The following LRMDA variants were observed in gnomAD, a reference collection of about 807,000 sequenced individuals.
The protein encoded by LRMDA is leucine rich melanocyte differentiation associated.
LRMDA carries 18 observed loss-of-function variants against 29.8 expected under a neutral mutation model. That is an observed-to-expected ratio of 0.60 (90% CI 0.42 to 0.90). The LOEUF (loss-of-function observed/expected upper bound fraction) is 0.90. Ranked by LOEUF, LRMDA falls within the 40% of genes least tolerant of loss-of-function variation. LRMDA has a pLI of 0.00. For synonymous variants in LRMDA, 125 were observed against 109.4 expected (o/e 1.14, Z -0.89); for missense variants, 273 against 273.9 (o/e 1.00, Z 0.02).
intron 5 of LRMDA, among the ~76,000 whole-genome samples, chr10:76,232,244 G>A (rs1393201947): frequency 6.6e-6 from 1 of 152,106 alleles, no homozygotes; most frequent in Non-Finnish European, 1.5e-5. Context: ...ACTGAGTGTT[G>A]TGCTATTTTT....
chr10:75,435,560 T>C (rs1157458512), intron 1 of LRMDA, among the ~76,000 whole-genome samples: 6 of 152,230 alleles, frequency 3.9e-5, no homozygotes, highest in Non-Finnish European at 8.8e-5. Flanking sequence ...TTGGTTCTCA[T>C]GCTAAACTTT....
intron 6 of LRMDA, among the ~76,000 whole-genome samples, chr10:76,469,352 A>T (rs1266366278): frequency 6.6e-6 from 1 of 152,120 alleles, no homozygotes; most frequent in Non-Finnish European, 1.5e-5. Context: ...GTCAGAGACT[A>T]CTGTTCTCTG....
chr10:75,940,771 T>G (rs948144203), intron 2 of LRMDA, among the ~76,000 whole-genome samples: 11 of 151,308 alleles, frequency 7.3e-5, no homozygotes, highest in Admixed American at 5.3e-4. Context: ...ATTTATGGGG[T>G]GTGTGTGTGT....
chr10:75,552,657 C>CT (rs1397153385), intron 2 of LRMDA: 255 of 353,970 alleles, frequency 7.2e-4, no homozygotes, highest in Middle Eastern at 1.7e-3. Flanking sequence ...TCTCTTCAAA[C>CT]TTTTTTTTTC....
At chr10:75,986,021 G>A (rs942389853) in intron 2 of LRMDA, among the ~76,000 whole-genome samples, 3 of 152,210 alleles carry the variant, frequency 2.0e-5, no homozygotes, top group Non-Finnish European at 4.4e-5. Context: ...TAAATTCAGA[G>A]CATCCCTTTT....
chr10:75,971,912 G>A (rs770818855), intron 2 of LRMDA, among the ~76,000 whole-genome samples: 9 of 152,166 alleles, frequency 5.9e-5, no homozygotes, highest in Non-Finnish European at 1.3e-4. Flanking sequence ...GCTGGATGTC[G>A]TCAGCCTGTG....
chr10:76,127,705 C>T (rs1325861620), intron 5 of LRMDA, among the ~76,000 whole-genome samples: 1 of 151,702 alleles, frequency 6.6e-6, no homozygotes, highest in East Asian at 1.9e-4. Context: ...TCATAAAATT[C>T]TAGAAGAAGT....
At chr10:76,164,261 C>T (rs1850696216) in intron 5 of LRMDA, among the ~76,000 whole-genome samples, 1 of 152,014 alleles carries the variant, frequency 6.6e-6, no homozygotes, top group Non-Finnish European at 1.5e-5. Flanking sequence ...TTGAAATGTC[C>T]ACTGATGATT....
chr10:75,939,538 A>G (rs988545310), intron 2 of LRMDA, among the ~76,000 whole-genome samples: 5 of 152,154 alleles, frequency 3.3e-5, no homozygotes, highest in African/African-American at 9.7e-5. Context: ...GTTTGGATAC[A>G]CAGTCTCCTT....
chr10:76,287,425 A>G (rs550450111), intron 5 of LRMDA, among the ~76,000 whole-genome samples: 27 of 152,274 alleles, frequency 1.8e-4, no homozygotes, highest in African/African-American at 4.6e-4. Flanking sequence ...CTCCTACTGT[A>G]TAACACAGTG....
intron 6 of LRMDA, among the ~76,000 whole-genome samples, chr10:76,494,192 A>T (rs886340647): frequency 6.6e-6 from 1 of 151,786 alleles, no homozygotes; most frequent in Non-Finnish European, 1.5e-5. Context: ...TCCTTATTGC[A>T]CTGGTTTAAA....
chr10:75,764,564 T>G (rs573178655), intron 2 of LRMDA, among the ~76,000 whole-genome samples: 4 of 152,296 alleles, frequency 2.6e-5, no homozygotes, highest in African/African-American at 9.6e-5. Flanking sequence ...GGCAGGTGGG[T>G]TTGCATTTTT....
At chr10:75,953,993 A>AAG (rs941915812) in intron 2 of LRMDA, among the ~76,000 whole-genome samples, 16 of 152,298 alleles carry the variant, frequency 1.1e-4, no homozygotes, top group African/African-American at 3.4e-4. Context: ...TAGATATTCA[A>AAG]AGAGAGAGAG....
At chr10:75,996,984 G>A (rs183518543) in intron 2 of LRMDA, among the ~76,000 whole-genome samples, 104 of 152,006 alleles carry the variant, frequency 6.8e-4, no homozygotes, top group African/African-American at 2.5e-3. Context: ...CACCCGCCTC[G>A]CCCTCCCAAA....
At chr10:75,821,902 A>G (rs1282034605) in intron 2 of LRMDA, among the ~76,000 whole-genome samples, 1 of 152,192 alleles carries the variant, frequency 6.6e-6, no homozygotes, top group Non-Finnish European at 1.5e-5. Context: ...GGAAAAGTTG[A>G]AAGCATTCCT....
intron 2 of LRMDA, among the ~76,000 whole-genome samples, chr10:75,922,154 T>C (rs1380203294): frequency 6.6e-6 from 1 of 152,244 alleles, no homozygotes; most frequent in Admixed American, 6.5e-5. Context: ...GTCTGTTTCA[T>C]TCCTTCCATG....
chr10:76,537,599 A>G (rs376892769), intron 6 of LRMDA, among the ~76,000 whole-genome samples: 2 of 152,298 alleles, frequency 1.3e-5, no homozygotes, highest in East Asian at 3.9e-4. Context: ...AGCCAGTGAC[A>G]CTGCACCGCT....
In LRMDA at chr10:75,458,027, CTGAGTAT is replaced by C. The variant is rs573214811; in HGVS notation, c.131+19549_131+19555del. Among the ~76,000 whole-genome samples, 28 of 152,162 alleles carry C rather than the reference CTGAGTAT, an allele frequency of 1.8e-4. No individual in the cohort carries two copies. The East Asian group carries it at 3.7e-3, about 20-fold the overall frequency. ...AGGAGATCATTAAGACACAGGATGC[CTGAGTAT>C]TGAGTATTGAGTATTTGTCTTTGTT... is the stretch of plus-strand genomic sequence containing the variant. On this transcript the variant is annotated intron_variant, in intron 2 of 6. Transcript: ENST00000611255.
intron 2 of LRMDA, among the ~76,000 whole-genome samples, chr10:75,969,762 C>T (rs903787531): frequency 2.0e-5 from 3 of 152,170 alleles, no homozygotes; most frequent in African/African-American, 7.2e-5. Context: ...AACTCACCAC[C>T]ATCAGTGACA....
Sources: allele counts gnomAD v4.1 joint callset (sites outside exome capture counted in the v4.1 genomes callset), GRCh38; gene constraint gnomAD v4.1.1; transcripts MANE v1.5; gene names NCBI Gene and HGNC (gene_info 2026-07-23, HGNC 2026-07-21).